Variants in IQSEC1 observed in about 807,000 individuals in gnomAD.
IQSEC1 encodes IQ motif and SEC7 domain-containing protein 1.
IQSEC1 carries 31 observed loss-of-function variants against 91.0 expected under a neutral mutation model. That is an observed-to-expected ratio of 0.34 (90% CI 0.26 to 0.46). The LOEUF (loss-of-function observed/expected upper bound fraction) is 0.46. Ranked by LOEUF, IQSEC1 falls within the 20% of genes least tolerant of loss-of-function variation. The pLI is 1.00. For synonymous variants in IQSEC1, 699 were observed against 662.6 expected, an observed-to-expected ratio of 1.05 and a Z score of -0.84; for missense variants, 1,388 against 1,575.6, an observed-to-expected ratio of 0.88 and a Z score of 2.02.
intron 2 of IQSEC1, among the ~76,000 whole-genome samples, chr3:13,161,165 G>A (rs1412234331): frequency 3.3e-5 from 5 of 152,196 alleles, no homozygotes; most frequent in East Asian, 1.9e-4. Flanking sequence ...TTAGAAAGGC[G>A]AGTGGCATCA....
chr3:12,919,881 A>G (rs1696454849), intron 6 of IQSEC1, among the ~76,000 whole-genome samples: 2 of 151,454 alleles, frequency 1.3e-5, no homozygotes, highest in South Asian at 4.2e-4. Context: ...CTGCCTGTAG[A>G]CTCCGCACCA....
intron 1 of IQSEC1, among the ~76,000 whole-genome samples, chr3:13,045,492 C>G (rs1704460778): frequency 6.6e-6 from 1 of 152,204 alleles, no homozygotes; most frequent in African/African-American, 2.4e-5. Flanking sequence ...GATCCCTGCT[C>G]TGTCCTCCAG....
In IQSEC1 at chr3:13,036,134, C is replaced by T. The variant is rs573178347; in HGVS notation, c.23+36858G>A. Among the ~76,000 whole-genome samples the T allele has an allele frequency of 2.6e-5, 4 of 152,326 alleles. No homozygotes were observed. In the South Asian group the frequency reaches 8.3e-4, roughly 32 times the overall value. ...TGCAGTTCTATGGGATTTTAAACCA[C>T]TAAGTTTTGGGGTGATGTGTTACAC... is the stretch of plus-strand genomic sequence containing the variant. On this transcript the variant is annotated intron_variant, in intron 1 of 13. Coordinates refer to ENST00000613206, the MANE Select transcript of IQSEC1 (RefSeq NM_001134382.3).
intron 2 of IQSEC1, among the ~76,000 whole-genome samples, chr3:13,159,352 C>T (rs1301516507): frequency 6.6e-6 from 1 of 152,134 alleles, no homozygotes; most frequent in Admixed American, 6.5e-5. Context: ...TCGCTTGAAC[C>T]TGGGAAGTGA....
At chr3:13,151,802 C>T (rs1294393906) in intron 2 of IQSEC1, among the ~76,000 whole-genome samples, 2 of 152,052 alleles carry the variant, frequency 1.3e-5, no homozygotes, top group East Asian at 1.9e-4. Context: ...CCTGTCTCTA[C>T]TAAAAATAGA....
chr3:13,101,372 T>C (rs1323578827), intron 2 of IQSEC1, among the ~76,000 whole-genome samples: 6 of 148,520 alleles, frequency 4.0e-5, no homozygotes, highest in Non-Finnish European at 8.9e-5. Context: ...TGAGCCGAGA[T>C]TGAGCCACTG....
intron 1 of IQSEC1, among the ~76,000 whole-genome samples, chr3:13,247,928 G>A (rs1185294705): frequency 1.3e-5 from 2 of 152,190 alleles, no homozygotes; most frequent in Non-Finnish European, 2.9e-5. Context: ...GTTCCAGTGG[G>A]CTCTTTGTCC....
chr3:13,012,347 TGCC>T (rs1702921937), intron 1 of IQSEC1, among the ~76,000 whole-genome samples: 1 of 152,198 alleles, frequency 6.6e-6, no homozygotes, highest in African/African-American at 2.4e-5. Context: ...CTAGCTCATC[TGCC>T]ACCTCCTCCA....
At position 12,941,598 on chromosome 3, in the gene IQSEC1, C is replaced by G; in HGVS notation, c.291G>C (p.Glu97Asp). The part of the protein sequence containing the change: ...KRSRSLSESY[E>D]LSSDLQDKQV... Reference sequence around the variant, plus strand: ...GCTTGTCCTGCAGGTCCGAGGAGAGCTCATAGCTCTCGGAGAGTGAGCGTG... The same window carrying G: ...GCTTGTCCTGCAGGTCCGAGGAGAGGTCATAGCTCTCGGAGAGTGAGCGTG... Residue 97 changes from glutamate (E) to aspartate (D), a missense_variant, in exon 2 of 14, where the codon GAG becomes GAC. Glu to Asp is a conservative substitution (Grantham distance 45, BLOSUM62 2). Around this residue, in one of 2 missense-constraint regions of IQSEC1, gnomAD observed 1,059 missense variants for 1,317.8 expected, o/e 0.80. Transcript: ENST00000613206. 6.3e-7 allele frequency: 1 copy of G among 1,595,688 alleles called. No homozygotes were observed. Among genetic ancestry groups the G allele is most frequent in the Non-Finnish European group, 8.5e-7 (1 of 1,169,970 alleles).
At chr3:13,119,105 T>A (rs1706383408) in intron 2 of IQSEC1, among the ~76,000 whole-genome samples, 1 of 152,070 alleles carries the variant, frequency 6.6e-6, no homozygotes, top group African/African-American at 2.4e-5. Context: ...TGGCAAATTT[T>A]ATGTTAGATA....
intron 1 of IQSEC1, among the ~76,000 whole-genome samples, chr3:13,189,765 C>G (rs1693991099): frequency 6.6e-6 from 1 of 152,218 alleles, no homozygotes; most frequent in South Asian, 2.1e-4. Flanking sequence ...GCTCTTCCCC[C>G]AGGTCCTCCT....
Position 12,952,763 on chromosome 3 carries a change from C to T in IQSEC1, c.24-10898G>A, listed in dbSNP as rs1044230915. Among the ~76,000 whole-genome samples, 30 of 152,330 alleles carry T rather than the reference C, an allele frequency of 2.0e-4. 1 individual carries two copies. Among genetic ancestry groups the T allele is most frequent in the African/African-American group, 7.0e-4 (29 of 41,568 alleles). On this transcript the variant is annotated intron_variant, in intron 1 of 13. Transcript: ENST00000613206. ...GTTCCCACTGCTCAGAGCGGACTTC[C>T]CCCAGGCTGCCTGGCTCCCTCCCTC... is the stretch of plus-strand genomic sequence containing the variant.
intron 2 of IQSEC1, among the ~76,000 whole-genome samples, chr3:13,101,094 G>A (rs1361243428): frequency 1.3e-5 from 2 of 152,188 alleles, no homozygotes; most frequent in Admixed American, 1.3e-4. Flanking sequence ...GAGGGAGGCT[G>A]CTGAGGGGAG....
intron 1 of IQSEC1, among the ~76,000 whole-genome samples, chr3:13,173,402 C>G (rs1693655928): frequency 6.6e-6 from 1 of 152,212 alleles, no homozygotes; most frequent in Non-Finnish European, 1.5e-5. Context: ...CCCGGGCTCC[C>G]CCGGGGGCCT....
chr3:13,122,705 C>A lies in IQSEC1; in HGVS notation c.302+41399G>T, dbSNP rs551410017. 7.9e-5 allele frequency among the ~76,000 whole-genome samples: 12 copies of A among 152,292 alleles called. No homozygotes were observed. The East Asian group carries it at 2.3e-3, about 29-fold the overall frequency. ...CATCCCACCTGGTCTCTGTTATTGG[C>A]TTCACTTTGCTGCCAAGGACCCTGA... is the stretch of plus-strand genomic sequence containing the variant. On this transcript the variant is annotated intron_variant, in intron 2 of 15. Coordinates refer to the IQSEC1 transcript ENST00000648114.
chr3:12,984,332 T>C (rs1239227378), intron 1 of IQSEC1, among the ~76,000 whole-genome samples: 1 of 152,194 alleles, frequency 6.6e-6, no homozygotes, highest in Non-Finnish European at 1.5e-5. Flanking sequence ...ACCATCCACA[T>C]GTAGGGCCCC....
At chr3:13,279,429 A>C (rs1230005121) in intron 1 of IQSEC1, among the ~76,000 whole-genome samples, 1 of 152,092 alleles carries the variant, frequency 6.6e-6, no homozygotes, top group Admixed American at 6.5e-5. Context: ...GAAACTCATG[A>C]TGGTATTTTT....
Position 13,046,790 on chromosome 3 carries a change from T to G in IQSEC1, c.23+26202A>C, listed in dbSNP as rs567742619. 3.9e-5 allele frequency among the ~76,000 whole-genome samples: 6 copies of G among 152,130 alleles called. No individual in the cohort carries two copies. The South Asian group carries it at 1.2e-3, about 32-fold the overall frequency. ...AGTCACCTCTACAACGCAGCACAGATGTCCCCTCCTCCCCAATTCACATCG... is the reference window on the plus strand; with the variant it reads ...AGTCACCTCTACAACGCAGCACAGAGGTCCCCTCCTCCCCAATTCACATCG... On this transcript the variant is annotated intron_variant, in intron 1 of 13. Transcript: ENST00000613206.
intron 1 of IQSEC1, among the ~76,000 whole-genome samples, chr3:13,233,659 G>C (rs574122226): frequency 6.6e-6 from 1 of 152,160 alleles, no homozygotes; most frequent in Non-Finnish European, 1.5e-5. Flanking sequence ...CCTCACAGCC[G>C]GGTGGGGATT....
Sources: allele counts gnomAD v4.1 joint callset (sites outside exome capture counted in the v4.1 genomes callset), GRCh38; gene constraint gnomAD v4.1.1; regional missense constraint gnomAD v4.1.1; transcripts MANE v1.5; gene names NCBI Gene and HGNC (gene_info 2026-07-23, HGNC 2026-07-21).